SAMD12: variants seen among roughly 807,000 people sequenced by gnomAD.
SAMD12 encodes sterile alpha motif domain containing 12.
A neutral mutation model predicts 15.0 loss-of-function variants in SAMD12; 9 were observed. The ratio of observed to expected loss-of-function variants is 0.60; its 90% CI spans 0.36 to 1.05. The LOEUF is 1.05. Ranked by LOEUF, SAMD12 falls within the 50% of genes least tolerant of loss-of-function variation. SAMD12 has a pLI of 0.01. For missense variants in SAMD12, 230 were observed against 234.2 expected, an observed-to-expected ratio of 0.98 and a Z score of 0.12; for synonymous variants, 86 against 90.1, an observed-to-expected ratio of 0.96 and a Z score of 0.25.
intron 4 of SAMD12, among the ~76,000 whole-genome samples, chr8:118,200,137 A>G (rs905928727): frequency 1.3e-5 from 2 of 152,096 alleles, no homozygotes; most frequent in South Asian, 2.1e-4. Context: ...ACCTTCTGCT[A>G]TGATTGTGAG....
At chr8:118,512,996 A>T (rs1825128784) in intron 2 of SAMD12, among the ~76,000 whole-genome samples, 1 of 144,174 alleles carries the variant, frequency 6.9e-6, no homozygotes, top group South Asian at 2.3e-4. Flanking sequence ...TTTTAGTATT[A>T]CTGAATACTT....
intron 4 of SAMD12, among the ~76,000 whole-genome samples, chr8:118,358,347 T>C (rs1035699940): frequency 4.6e-5 from 7 of 152,196 alleles, no homozygotes; most frequent in Non-Finnish European, 8.8e-5. Flanking sequence ...TTGCCCTTAA[T>C]ACAACTTAGC....
chr8:118,438,315 T>C (rs1283638662), intron 3 of SAMD12, among the ~76,000 whole-genome samples: 1 of 152,204 alleles, frequency 6.6e-6, no homozygotes, highest in East Asian at 1.9e-4. Context: ...TACAATTGGG[T>C]GTTTTCCCTA....
intron 2 of SAMD12, among the ~76,000 whole-genome samples, chr8:118,531,587 G>A (rs972032110): frequency 3.9e-5 from 6 of 152,138 alleles, no homozygotes; most frequent in Non-Finnish European, 8.8e-5. Flanking sequence ...ATTTGTTTGT[G>A]TCCTCTTTTA....
At chr8:118,256,039 T>C (rs1429615468) in intron 4 of SAMD12, among the ~76,000 whole-genome samples, 3 of 152,190 alleles carry the variant, frequency 2.0e-5, no homozygotes, top group Admixed American at 6.5e-5. Context: ...TTTTTAATCA[T>C]TGCCATTCTA....
chr8:118,315,097 C>T (rs1299533484), intron 4 of SAMD12, among the ~76,000 whole-genome samples: 1 of 152,100 alleles, frequency 6.6e-6, no homozygotes, highest in Non-Finnish European at 1.5e-5. Context: ...GATTCTTTTC[C>T]TCTGTTTTCT....
At chr8:118,561,603 A>G (rs1327809605) in intron 2 of SAMD12, among the ~76,000 whole-genome samples, 1 of 152,200 alleles carries the variant, frequency 6.6e-6, no homozygotes, top group Non-Finnish European at 1.5e-5. Context: ...AGGTGGGGGA[A>G]GATTCCTTAT....
intron 4 of SAMD12, among the ~76,000 whole-genome samples, chr8:118,348,261 G>T (rs1464161202): frequency 1.3e-5 from 2 of 152,010 alleles, no homozygotes; most frequent in Non-Finnish European, 2.9e-5. Context: ...TAGAGACAGG[G>T]TTTTGCCATG....
At chr8:118,423,793 ATAATAT>A (rs1822125089) in intron 3 of SAMD12, among the ~76,000 whole-genome samples, 1 of 152,214 alleles carries the variant, frequency 6.6e-6, no homozygotes, top group Non-Finnish European at 1.5e-5. Context: ...TCAAATGATA[ATAATAT>A]TAATAATAAT....
intron 4 of SAMD12, among the ~76,000 whole-genome samples, chr8:118,371,903 G>A (rs575657228): frequency 6.6e-6 from 1 of 152,272 alleles, no homozygotes; most frequent in African/African-American, 2.4e-5. Context: ...AACAGCCTGA[G>A]AGAGGCCATT....
At chr8:118,315,844 T>TG (rs1478508586) in intron 4 of SAMD12, among the ~76,000 whole-genome samples, 2 of 152,006 alleles carry the variant, frequency 1.3e-5, no homozygotes, top group South Asian at 2.1e-4. Context: ...TGCTGGTTGG[T>TG]GGGGGCAGCA....
intron 3 of SAMD12, among the ~76,000 whole-genome samples, chr8:118,436,177 A>G (rs1822570915): frequency 6.6e-6 from 1 of 152,156 alleles, no homozygotes; most frequent in South Asian, 2.1e-4. Flanking sequence ...TATCTTACTT[A>G]CCACTGTATT....
intron 4 of SAMD12, among the ~76,000 whole-genome samples, chr8:118,330,667 T>C (rs534305882): frequency 2.4e-4 from 37 of 152,288 alleles, no homozygotes; most frequent in African/African-American, 5.5e-4. Context: ...TAAAAAGGTA[T>C]CTTATCTTAA....
downstream of SAMD12, among the ~76,000 whole-genome samples, chr8:118,187,424 C>G (rs1819260354): frequency 1.3e-5 from 2 of 152,104 alleles, no homozygotes; most frequent in Non-Finnish European, 2.9e-5. Context: ...AGCGCCAGCT[C>G]TTGGCAAAAA....
the SAMD12 span, among the ~76,000 whole-genome samples, chr8:118,140,640 T>C: frequency 6.6e-6 from 1 of 152,204 alleles, no homozygotes; most frequent in African/African-American, 2.4e-5. Flanking sequence ...ATGACTCTTA[T>C]TGAGGTGGAG....
chr8:118,257,880 T>G (rs1317286372), intron 4 of SAMD12, among the ~76,000 whole-genome samples: 1 of 152,158 alleles, frequency 6.6e-6, no homozygotes, highest in Non-Finnish European at 1.5e-5. Flanking sequence ...TTTTTTATTA[T>G]GTACAGAGCC....
chr8:118,597,547 A>G (rs1238730424), intron 1 of SAMD12, among the ~76,000 whole-genome samples: 2 of 152,260 alleles, frequency 1.3e-5, no homozygotes, highest in Non-Finnish European at 2.9e-5. Context: ...CACAATAGCC[A>G]TGCCTATCAG....
At chr8:118,514,155 A>C (rs4242584) in intron 2 of SAMD12, among the ~76,000 whole-genome samples, 1 of 151,906 alleles carries the variant, frequency 6.6e-6, no homozygotes, top group East Asian at 1.9e-4. Context: ...CCCCATCACA[A>C]GGCATTTAAA....
intron 2 of SAMD12, among the ~76,000 whole-genome samples, chr8:118,463,807 G>A (rs557393637): frequency 2.0e-5 from 3 of 152,006 alleles, no homozygotes; most frequent in African/African-American, 4.8e-5. Flanking sequence ...GGGATCAGAC[G>A]GCCTTCAGCA....
Sources: allele counts gnomAD v4.1 joint callset (sites outside exome capture counted in the v4.1 genomes callset), GRCh38; gene constraint gnomAD v4.1.1; transcripts MANE v1.5; gene names NCBI Gene and HGNC (gene_info 2026-07-23, HGNC 2026-07-21).